The following GSE1 variants were observed in gnomAD, a reference collection of about 807,000 sequenced individuals.
The protein encoded by GSE1 is genetic suppressor element 1.
Under a neutral mutation model 112.6 loss-of-function variants are expected in GSE1, and 32 were observed. The observed-to-expected ratio is 0.28, with a 90% CI of 0.21 to 0.38. GSE1 has a LOEUF of 0.38. GSE1 is among the 10% of genes least tolerant of loss of function. The pLI, the probability that GSE1 is intolerant of heterozygous loss-of-function variation, is 1.00. For synonymous variants in GSE1, 1,115 were observed against 735.6 expected, an observed-to-expected ratio of 1.52 and a Z score of -8.35; for missense variants, 2,348 against 1,699.2, an observed-to-expected ratio of 1.38 and a Z score of -6.71.
intron 2 of GSE1, among the ~76,000 whole-genome samples, chr16:85,510,065 G>C (rs1026367364): frequency 6.6e-6 from 1 of 152,298 alleles, no homozygotes; most frequent in East Asian, 1.9e-4. Context: ...GAGCAGGTGG[G>C]GCCCCGGGGG....
intron 1 of GSE1, among the ~76,000 whole-genome samples, chr16:85,347,873 A>G (rs141671071): frequency 1.5e-3 from 236 of 152,306 alleles, no homozygotes; most frequent in African/African-American, 5.4e-3. Context: ...GGACAACCCC[A>G]GTGTCAACTG....
intron 1 of GSE1, among the ~76,000 whole-genome samples, chr16:85,242,242 G>A (rs1402646311): frequency 2.0e-5 from 3 of 152,118 alleles, no homozygotes; most frequent in Non-Finnish European, 4.4e-5. Context: ...AGTATCCTCT[G>A]CTCACCCCAG....
At chr16:85,244,310 AG>A (rs1192723395) in intron 1 of GSE1, among the ~76,000 whole-genome samples, 1 of 152,044 alleles carries the variant, frequency 6.6e-6, no homozygotes, top group Non-Finnish European at 1.5e-5. Flanking sequence ...GGTGGAAGGG[AG>A]GGGCCGTGAG....
chr16:85,329,538 T>A (rs960498416), intron 1 of GSE1, among the ~76,000 whole-genome samples: 1 of 151,770 alleles, frequency 6.6e-6, no homozygotes, highest in African/African-American at 2.4e-5. Flanking sequence ...CAGGCCTGGG[T>A]CTCCGCAGGC....
intron 2 of GSE1, among the ~76,000 whole-genome samples, chr16:85,400,737 CTGTA>C (rs1376410356): frequency 7.5e-5 from 11 of 147,292 alleles, no homozygotes; most frequent in African/African-American, 2.5e-4. Context: ...TGGTGTGTCT[CTGTA>C]TGTGGTTGTG....
At chr16:85,623,873 G>A (rs1598423107) in intron 1 of GSE1, among the ~76,000 whole-genome samples, 2 of 152,310 alleles carry the variant, frequency 1.3e-5, no homozygotes, top group African/African-American at 2.4e-5. Flanking sequence ...GCACCTGTTG[G>A]TGTCCAGCTC....
chr16:85,172,100 G>A (rs1029336556), intron 1 of GSE1, among the ~76,000 whole-genome samples: 5 of 152,188 alleles, frequency 3.3e-5, no homozygotes, highest in Non-Finnish European at 7.3e-5. Flanking sequence ...GAACTTGGGT[G>A]TGTTTGCAGT....
Position 85,661,708 on chromosome 16 carries a change from A to C in GSE1, c.2203A>C (p.Arg735=). The C allele has an allele frequency of 6.3e-7, 1 of 1,596,596 alleles. No individual in the cohort carries two copies. The highest frequency in any genetic ancestry group is 8.5e-7 in the Non-Finnish European group (1 of 1,171,514). ...TGATGAGTTCCTGCAGCAGCGCCGG[A>C]GGCTGGTCAGCAAGCTGGACCTGGA... ...IYDEFLQQRR[R]LVSKLDLEER... is the part of the protein sequence containing the mutation. The change falls in exon 9 of 16, where the codon AGG becomes CGG. Residue 735 remains arginine, a synonymous_variant. Coordinates refer to ENST00000253458, the MANE Select transcript of GSE1 (RefSeq NM_014615.5).
chr16:85,615,273 T>G (rs976054501), intron 1 of GSE1, among the ~76,000 whole-genome samples: 8 of 152,176 alleles, frequency 5.3e-5, no homozygotes, highest in African/African-American at 1.9e-4. Flanking sequence ...CCGCCGGCTG[T>G]GCAGGGAGTC....
At chr16:85,567,008 G>A (rs2045778898) in intron 1 of GSE1, among the ~76,000 whole-genome samples, 2 of 151,900 alleles carry the variant, frequency 1.3e-5, no homozygotes, top group African/African-American at 4.8e-5. Context: ...TAGATCTTAA[G>A]GGCCCAGGGA....
chr16:85,238,418 G>A (rs1254746332), intron 1 of GSE1, among the ~76,000 whole-genome samples: 1 of 152,212 alleles, frequency 6.6e-6, no homozygotes, highest in Non-Finnish European at 1.5e-5. Context: ...CGGTAGCCTG[G>A]TGGGGGCTGG....
chr16:85,232,758 C>G (rs1015772781), intron 1 of GSE1, among the ~76,000 whole-genome samples: 1 of 152,260 alleles, frequency 6.6e-6, no homozygotes, highest in Non-Finnish European at 1.5e-5. Flanking sequence ...AGCTCAAAAG[C>G]CACTTCCTCC....
intron 1 of GSE1, among the ~76,000 whole-genome samples, chr16:85,182,258 A>G (rs2074603286): frequency 6.6e-6 from 1 of 152,200 alleles, no homozygotes; most frequent in African/African-American, 2.4e-5. Context: ...CTCGTACAGA[A>G]GGCCAGAATG....
At chr16:85,531,758 C>A (rs1358528307) in intron 2 of GSE1, among the ~76,000 whole-genome samples, 1 of 152,192 alleles carries the variant, frequency 6.6e-6, no homozygotes. Flanking sequence ...GACCGGATGG[C>A]CCCGGGTCCT....
chr16:85,198,378 C>T (rs112784154), intron 1 of GSE1, among the ~76,000 whole-genome samples: 9 of 152,308 alleles, frequency 5.9e-5, no homozygotes, highest in African/African-American at 2.2e-4. Flanking sequence ...TTTTCTAGGC[C>T]CCAGCTGTGG....
intron 2 of GSE1, among the ~76,000 whole-genome samples, chr16:85,537,961 A>C (rs1469930807): frequency 6.6e-6 from 1 of 152,082 alleles, no homozygotes; most frequent in Non-Finnish European, 1.5e-5. Flanking sequence ...GCAGGGGTGG[A>C]CGGAAAGGCA....
At chr16:85,203,440 A>G (rs1307410233) in intron 1 of GSE1, among the ~76,000 whole-genome samples, 2 of 152,158 alleles carry the variant, frequency 1.3e-5, no homozygotes, top group Non-Finnish European at 1.5e-5. Context: ...CACGTGGGAC[A>G]CGGCCTGCCC....
intron 2 of GSE1, among the ~76,000 whole-genome samples, chr16:85,418,350 T>A (rs1799094441): frequency 1.3e-5 from 2 of 152,300 alleles, no homozygotes; most frequent in South Asian, 4.1e-4. Flanking sequence ...CAGGCACGGC[T>A]CCCTCAGAAG....
intron 9 of GSE1, 129 bp from the exon 10 acceptor site, chr16:85,662,852 G>A (rs890348393): frequency 1.5e-6 from 1 of 656,270 alleles, no homozygotes; most frequent in South Asian, 1.8e-5. Context: ...AAAGGAACTG[G>A]CCTTCAGGGT....
Sources: gnomAD v4.1 joint callset for allele counts (sites outside exome capture counted in the v4.1 genomes callset) on GRCh38, gnomAD v4.1.1 for gene constraint, MANE v1.5 for transcripts, NCBI Gene and HGNC (gene_info 2026-07-23, HGNC 2026-07-21) for gene names.